Variants in FSTL1 observed in about 807,000 individuals in gnomAD.
FSTL1 encodes follistatin like 1.
In FSTL1, 24 loss-of-function variants were observed where a neutral mutation model predicts 45.9. That is an observed-to-expected ratio of 0.52 (90% CI 0.38 to 0.74). The LOEUF is 0.74. Among genes scored for constraint, FSTL1 ranks in the 30% least tolerant of loss-of-function variants. The pLI is 0.00. For missense variants in FSTL1, 340 were observed against 381.8 expected, an observed-to-expected ratio of 0.89 and a Z score of 0.91; for synonymous variants, 120 against 137.6, an observed-to-expected ratio of 0.87 and a Z score of 0.89.
At chr3:120,440,367 T>A (rs1937615916) in intron 2 of FSTL1, among the ~76,000 whole-genome samples, 1 of 152,256 alleles carries the variant, frequency 6.6e-6, no homozygotes, top group East Asian at 1.9e-4. Context: ...GTCTCTACAA[T>A]GCTGAGTGGA....
chr3:120,443,123 C>T (rs1382159278), intron 2 of FSTL1, among the ~76,000 whole-genome samples: 1 of 149,078 alleles, frequency 6.7e-6, no homozygotes, highest in Non-Finnish European at 1.5e-5. Context: ...AAGTTCCACA[C>T]AAAAAGCTGC....
intron 2 of FSTL1, among the ~76,000 whole-genome samples, chr3:120,431,125 C>T (rs1937470575): frequency 6.6e-6 from 1 of 152,102 alleles, no homozygotes; most frequent in Non-Finnish European, 1.5e-5. Context: ...GTGCCTGCCA[C>T]CATGCCCGGA....
At chr3:120,422,798 G>A (rs546877339) in intron 2 of FSTL1, among the ~76,000 whole-genome samples, 77 of 152,038 alleles carry the variant, frequency 5.1e-4, no homozygotes, top group African/African-American at 1.7e-3. Context: ...GGGTTCAAGC[G>A]ATTCTCCTGC....
At chr3:120,397,153 GA>G (rs1414385368) in intron 10 of FSTL1, among the ~76,000 whole-genome samples, 157 bp from the exon 11 acceptor site, 7 of 152,198 alleles carry the variant, frequency 4.6e-5, no homozygotes, top group African/African-American at 1.4e-4. Flanking sequence ...AACAATTTGA[GA>G]ACAAGAACTA....
At chr3:120,417,549 A>G (rs1224872066) in intron 2 of FSTL1, among the ~76,000 whole-genome samples, 1 of 152,242 alleles carries the variant, frequency 6.6e-6, no homozygotes, top group African/African-American at 2.4e-5. Flanking sequence ...GGGAAGAAAG[A>G]GGAAGTAATT....
At chr3:120,417,312 C>T (rs1937202996) in intron 2 of FSTL1, among the ~76,000 whole-genome samples, 1 of 152,174 alleles carries the variant, frequency 6.6e-6, no homozygotes, top group Non-Finnish European at 1.5e-5. Context: ...AAAGAAGAGG[C>T]TTTCGAGCTG....
intron 2 of FSTL1, among the ~76,000 whole-genome samples, chr3:120,429,454 A>T (rs566673070): frequency 9.9e-5 from 15 of 152,242 alleles, no homozygotes; most frequent in Non-Finnish European, 2.1e-4. Flanking sequence ...CAACAGGCCT[A>T]AACTGTGACA....
chr3:120,409,595 G>A lies in FSTL1; in HGVS notation c.399C>T (p.Ile133=). 1 of 1,613,264 alleles carries A rather than the reference G, an allele frequency of 6.2e-7. No individual in the cohort carries two copies. The highest frequency in any genetic ancestry group is 8.5e-7 in the Non-Finnish European group (1 of 1,179,184). Residue 133 remains isoleucine, a synonymous_variant, in exon 6 of 11, where the codon ATC becomes ATT. Transcript: ENST00000295633. ...RRIIQWLEAE[I]IPDGWFSKGS... is the part of the protein sequence containing the mutation. The stretch of plus-strand genomic sequence containing the variant: ...CTTTAGAGAACCAGCCATCTGGAAT[G>A]ATCTCAGCTTCCAGCCACTGGATGA...
chr3:120,397,728 G>A (rs75205331), intron 10 of FSTL1, among the ~76,000 whole-genome samples: 5,249 of 152,292 alleles, frequency 0.034, 153 homozygotes, highest in South Asian at 0.13. Flanking sequence ...TGGAGTCACC[G>A]TATGACCCAG....
intron 2 of FSTL1, among the ~76,000 whole-genome samples, chr3:120,431,172 A>G (rs969556503): frequency 6.6e-6 from 1 of 152,068 alleles, no homozygotes; most frequent in Non-Finnish European, 1.5e-5. Context: ...GGGTTTCACC[A>G]TGTTGGCCAG....
At chr3:120,430,486 T>C (rs1050710755) in intron 2 of FSTL1, among the ~76,000 whole-genome samples, 2 of 152,200 alleles carry the variant, frequency 1.3e-5, no homozygotes, top group South Asian at 4.1e-4. Context: ...TTTAACACCA[T>C]TGTTCTCTAC....
At chr3:120,430,588 A>G (rs1011044467) in intron 2 of FSTL1, among the ~76,000 whole-genome samples, 6 of 152,254 alleles carry the variant, frequency 3.9e-5, no homozygotes, top group Non-Finnish European at 5.9e-5. Flanking sequence ...TTGTGGAACA[A>G]ACTAAGAACT....
chr3:120,438,808 G>C (rs143374188), intron 2 of FSTL1, among the ~76,000 whole-genome samples: 2 of 152,242 alleles, frequency 1.3e-5, no homozygotes, highest in African/African-American at 4.8e-5. Flanking sequence ...ATGGAGGTTC[G>C]TTTGAAGCCA....
At chr3:120,427,422 C>G (rs570907432) in intron 2 of FSTL1, among the ~76,000 whole-genome samples, 1 of 152,148 alleles carries the variant, frequency 6.6e-6, no homozygotes, top group Non-Finnish European at 1.5e-5. Flanking sequence ...TACCTTGTGC[C>G]ACTCCATTAA....
chr3:120,403,979 AAAAC>A (rs765426806), intron 7 of FSTL1, among the ~76,000 whole-genome samples: 10,727 of 131,506 alleles, frequency 0.082, 678 homozygotes, highest in African/African-American at 0.14. Flanking sequence ...AAAACAAAAA[AAAAC>A]AAAAAACAAA....
intron 3 of FSTL1, among the ~76,000 whole-genome samples, chr3:120,413,971 C>T (rs879607280): frequency 4.6e-4 from 70 of 152,008 alleles, no homozygotes; most frequent in Non-Finnish European, 8.2e-4. Context: ...TTGGTGGAGA[C>T]GGGGTTTCGC....
chr3:120,431,251 G>T (rs560404802), intron 2 of FSTL1, among the ~76,000 whole-genome samples: 1 of 151,972 alleles, frequency 6.6e-6, no homozygotes, highest in Non-Finnish European at 1.5e-5. Flanking sequence ...GATTATAGTT[G>T]TGAGCCACCG....
chr3:120,440,810 C>T (rs957532803), intron 2 of FSTL1, among the ~76,000 whole-genome samples: 1 of 152,170 alleles, frequency 6.6e-6, no homozygotes, highest in Non-Finnish European at 1.5e-5. Flanking sequence ...CCTACTGCAG[C>T]CCAGACACTT....
chr3:120,433,297 C>T (rs979922552), intron 2 of FSTL1, among the ~76,000 whole-genome samples: 4 of 152,200 alleles, frequency 2.6e-5, no homozygotes, highest in Non-Finnish European at 5.9e-5. Flanking sequence ...ATTAAGCAAG[C>T]CCAGCACTAC....
Sources: allele counts gnomAD v4.1 joint callset (sites outside exome capture counted in the v4.1 genomes callset), GRCh38; gene constraint gnomAD v4.1.1; transcripts MANE v1.5; gene names NCBI Gene and HGNC (gene_info 2026-07-23, HGNC 2026-07-21).